The following RANBP2 variants were observed in gnomAD, a reference collection of about 807,000 sequenced individuals.
The protein encoded by RANBP2 is RAN binding protein 2.
RANBP2 carries 57 observed loss-of-function variants against 303.6 expected under a neutral mutation model. The ratio of observed to expected loss-of-function variants is 0.19; its 90% CI spans 0.15 to 0.23. The LOEUF is 0.23. Ranked by LOEUF, RANBP2 falls within the 10% of genes least tolerant of loss-of-function variation. The pLI is 1.00. For synonymous variants in RANBP2, 1,167 were observed against 1,301.5 expected (o/e 0.90, Z 2.23); for missense variants, 3,138 against 3,780.8 (o/e 0.83, Z 4.46).
At chr2:109,634,368 A>G in the RANBP2 span, among the ~76,000 whole-genome samples, 1 of 152,090 alleles carries the variant, frequency 6.6e-6, no homozygotes, top group African/African-American at 2.4e-5. Flanking sequence ...AGCCATAAAG[A>G]AAAAGATTAT....
the RANBP2 span, among the ~76,000 whole-genome samples, chr2:109,054,817 C>T: frequency 6.6e-6 from 1 of 152,132 alleles, no homozygotes. Flanking sequence ...CTTGTCCCTT[C>T]CCTGCCCTGG....
the RANBP2 span, among the ~76,000 whole-genome samples, chr2:108,863,979 C>T: frequency 2.6e-5 from 4 of 152,082 alleles, no homozygotes; most frequent in East Asian, 7.7e-4. Context: ...GTTTGCATCC[C>T]CTTGTTTGAC....
the RANBP2 span, among the ~76,000 whole-genome samples, chr2:108,979,467 T>TCTCTCA: frequency 0.021 from 3,082 of 147,112 alleles, 39 homozygotes; most frequent in Non-Finnish European, 0.032. Flanking sequence ...TCTCTCTCTC[T>TCTCTCA]CACACACACA....
chr2:109,133,173 G>A, the RANBP2 span, among the ~76,000 whole-genome samples: 1 of 152,182 alleles, frequency 6.6e-6, no homozygotes, highest in Admixed American at 6.5e-5. Context: ...AATTCTGTGA[G>A]GGTTACAAGG....
the RANBP2 span, among the ~76,000 whole-genome samples, chr2:109,014,801 C>G: frequency 6.6e-6 from 1 of 152,128 alleles, no homozygotes; most frequent in East Asian, 1.9e-4. Context: ...TAATGTCTTT[C>G]CTCCTCATTC....
At chr2:109,714,294 A>G in the RANBP2 span, among the ~76,000 whole-genome samples, 1 of 151,478 alleles carries the variant, frequency 6.6e-6, no homozygotes, top group Non-Finnish European at 1.5e-5. Flanking sequence ...CTCTTTTTTA[A>G]AAGTTTTTAT....
the RANBP2 span, among the ~76,000 whole-genome samples, chr2:108,913,976 A>G: frequency 6.7e-6 from 1 of 150,364 alleles, no homozygotes; most frequent in African/African-American, 2.4e-5. Context: ...AATCTAGAAA[A>G]GGGGCCGGGC....
At chr2:109,078,157 A>ATATATAGCATG in the RANBP2 span, among the ~76,000 whole-genome samples, 2 of 111,268 alleles carry the variant, frequency 1.8e-5, no homozygotes, top group African/African-American at 6.5e-5. Flanking sequence ...TATAGCATGT[A>ATATATAGCATG]TATATATATA....
the RANBP2 span, among the ~76,000 whole-genome samples, chr2:109,630,816 A>T: frequency 3.3e-5 from 5 of 152,320 alleles, no homozygotes; most frequent in African/African-American, 1.2e-4. Context: ...CTGTAATCCC[A>T]TCAGTTTGGT....
chr2:108,842,846 A>C, the RANBP2 span, among the ~76,000 whole-genome samples: 1 of 152,212 alleles, frequency 6.6e-6, no homozygotes, highest in Admixed American at 6.5e-5. Context: ...TCACTACAAC[A>C]TTATGTAGAA....
At chr2:109,698,245 T>C in the RANBP2 span, among the ~76,000 whole-genome samples, 1 of 152,062 alleles carries the variant, frequency 6.6e-6, no homozygotes, top group Non-Finnish European at 1.5e-5. Flanking sequence ...TCTCATCTAG[T>C]GTATTTGTTC....
At chr2:109,609,664 C>G in the RANBP2 span, among the ~76,000 whole-genome samples, 1 of 148,660 alleles carries the variant, frequency 6.7e-6, no homozygotes, top group Non-Finnish European at 1.5e-5. Flanking sequence ...ATCACAACTT[C>G]AAGACAGAAA....
chr2:109,343,743 C>CT, the RANBP2 span, among the ~76,000 whole-genome samples: 1 of 134,352 alleles, frequency 7.4e-6, no homozygotes, highest in African/African-American at 2.7e-5. Flanking sequence ...GCCCTGGTTT[C>CT]CTTTTTTTTT....
chr2:108,880,381 A>T, the RANBP2 span, among the ~76,000 whole-genome samples: 1 of 152,152 alleles, frequency 6.6e-6, no homozygotes. Flanking sequence ...TCCTATTCAA[A>T]ATCCTAACAA....
At chr2:109,657,912 G>C in the RANBP2 span, among the ~76,000 whole-genome samples, 42 of 151,526 alleles carry the variant, frequency 2.8e-4, no homozygotes, top group Non-Finnish European at 5.0e-4. Flanking sequence ...TGGAGAAGGG[G>C]TTTAACGCTA....
the RANBP2 span, among the ~76,000 whole-genome samples, chr2:108,928,417 A>G: frequency 6.6e-6 from 1 of 151,350 alleles, no homozygotes; most frequent in Non-Finnish European, 1.5e-5. Flanking sequence ...AGCTGTGGTC[A>G]CCTCCCCCGT....
chr2:108,965,881 C>G, the RANBP2 span, among the ~76,000 whole-genome samples: 2 of 151,962 alleles, frequency 1.3e-5, no homozygotes, highest in African/African-American at 4.8e-5. Flanking sequence ...GTGCTCCCCC[C>G]TCTCCCCCCA....
At chr2:109,181,976 G>A in the RANBP2 span, among the ~76,000 whole-genome samples, 1 of 152,126 alleles carries the variant, frequency 6.6e-6, no homozygotes, top group Non-Finnish European at 1.5e-5. Context: ...GTTTGGTGAT[G>A]TTTGCTCATT....
the RANBP2 span, among the ~76,000 whole-genome samples, chr2:108,849,008 G>A: frequency 1.3e-5 from 2 of 152,090 alleles, no homozygotes; most frequent in African/African-American, 2.4e-5. Flanking sequence ...ACATGAGCCT[G>A]GTAAGGGGAT....
Sources: gnomAD v4.1 joint callset for allele counts (sites outside exome capture counted in the v4.1 genomes callset) on GRCh38, gnomAD v4.1.1 for gene constraint, MANE v1.5 for transcripts, NCBI Gene and HGNC (gene_info 2026-07-23, HGNC 2026-07-21) for gene names.